Variants in SVEP1 observed in about 807,000 individuals in gnomAD.
SVEP1 encodes sushi, von Willebrand factor type A, EGF and pentraxin domain-containing protein 1.
Under a neutral mutation model 367.3 loss-of-function variants are expected in SVEP1, and 164 were observed. The observed-to-expected ratio is 0.45, with a 90% CI of 0.39 to 0.51. The LOEUF (loss-of-function observed/expected upper bound fraction) is 0.51. SVEP1 is among the 20% of genes least tolerant of loss of function. The probability of loss-of-function intolerance (pLI) is 0.00; values close to 1 mark genes in which losing one functional copy is unlikely to be tolerated. For missense variants in SVEP1, 4,117 were observed against 4,425.3 expected (o/e 0.93, Z 1.98); for synonymous variants, 1,666 against 1,611.6 (o/e 1.03, Z -0.81).
chr9:110,413,451 T>G, intron 36 of SVEP1, among the ~76,000 whole-genome samples: 1 of 146,784 alleles, frequency 6.8e-6, no homozygotes, highest in African/African-American at 2.5e-5. Context: ...AGATGACGAG[T>G]TAGTGGGTGC....
chr9:110,535,599 G>A (rs1830069337), intron 3 of SVEP1, among the ~76,000 whole-genome samples: 1 of 152,016 alleles, frequency 6.6e-6, no homozygotes, highest in Non-Finnish European at 1.5e-5. Context: ...AATTGCTTTG[G>A]GAGGTATGGC....
At chr9:110,561,343 T>G (rs1271786984) in intron 1 of SVEP1, among the ~76,000 whole-genome samples, 9 of 152,208 alleles carry the variant, frequency 5.9e-5, no homozygotes, top group Non-Finnish European at 1.2e-4. Flanking sequence ...TTCCATTATA[T>G]TAACCCCATC....
At chr9:110,508,742 CAG>C (rs1188905023) in intron 5 of SVEP1, among the ~76,000 whole-genome samples, 3 of 105,316 alleles carry the variant, frequency 2.8e-5, no homozygotes, top group Non-Finnish European at 5.1e-5. Context: ...GCCTAGGTAA[CAG>C]AGCGAGACTC....
chr9:110,538,896 G>T (rs764629280), intron 3 of SVEP1, among the ~76,000 whole-genome samples: 21 of 152,082 alleles, frequency 1.4e-4, no homozygotes, highest in Non-Finnish European at 2.9e-4. Flanking sequence ...ATCTTAAAAT[G>T]ACTAATCTAG....
chr9:110,442,854 A>G (rs1196557055), intron 27 of SVEP1: 1 of 152,194 alleles, frequency 6.6e-6, no homozygotes, highest in African/African-American at 2.4e-5. Flanking sequence ...TTTTTGTGCT[A>G]TATTTATTAG....
intron 3 of SVEP1, among the ~76,000 whole-genome samples, chr9:110,516,526 TATATTACTGA>T (rs1329516398): frequency 1.3e-5 from 2 of 152,096 alleles, no homozygotes; most frequent in African/African-American, 4.8e-5. Flanking sequence ...CTGAATTATT[TATATTACTGA>T]ATATTAATAT....
intron 23 of SVEP1, 120 bp downstream of exon 23, chr9:110,451,165 TTACA>T: frequency 1.4e-6 from 1 of 735,864 alleles, no homozygotes; most frequent in Non-Finnish European, 2.2e-6. Context: ...GGACTTTCTC[TTACA>T]TAATCACCAT....
chr9:110,427,530 C>T (rs1032827014), intron 36 of SVEP1, 61 bp downstream of exon 36: 2 of 1,547,314 alleles, frequency 1.3e-6, no homozygotes, highest in Non-Finnish European at 1.7e-6. Context: ...CCCATCTCTG[C>T]AGTCAGGAGC....
chr9:110,403,656 A>T (rs1293034382), intron 39 of SVEP1, among the ~76,000 whole-genome samples: 1 of 151,982 alleles, frequency 6.6e-6, no homozygotes, highest in Non-Finnish European at 1.5e-5. Context: ...AAATGTGAAA[A>T]TATCTATAAT....
chr9:110,514,201 C>T, intron 3 of SVEP1, 95 bp from the exon 4 acceptor site: 3 of 1,478,830 alleles, frequency 2.0e-6, no homozygotes, highest in Non-Finnish European at 2.8e-6. Context: ...GAAAGCCAAA[C>T]AATAGTTTTC....
intron 3 of SVEP1, among the ~76,000 whole-genome samples, chr9:110,516,581 T>G (rs1829807486): frequency 6.6e-6 from 1 of 152,166 alleles, no homozygotes; most frequent in Non-Finnish European, 1.5e-5. Flanking sequence ...TCAGTAAATA[T>G]CTGATCAGGA....
In SVEP1 at chr9:110,375,483, AAAAAAAAG is replaced by A; in HGVS notation, c.10505-28_10505-21del. The A allele has an allele frequency of 1.3e-6, 2 of 1,508,390 alleles. No homozygotes were observed. The highest frequency in any genetic ancestry group is 1.3e-5 in the South Asian group (1 of 78,826). 93.4% of individuals were successfully genotyped at this position (1,508,390 alleles called of 1,614,324 possible). A position where few individuals can be genotyped will look rare whatever the true frequency, so the allele number is the denominator to read the frequency against. On this transcript the variant is annotated intron_variant, in intron 45 of 47. Transcript: ENST00000374469. ...AGATTGCTAAAAAAAAAAAAAAAAA[AAAAAAAAG>A]GAGGCAGGGGGGATTGAAATGGCGT...
chr9:110,576,615 A>G (rs954996703), intron 1 of SVEP1, among the ~76,000 whole-genome samples: 3 of 152,078 alleles, frequency 2.0e-5, no homozygotes, highest in African/African-American at 4.8e-5. Flanking sequence ...GACTTCAACA[A>G]GAATCCAAAT....
chr9:110,509,694 T>A (rs1829679066), intron 5 of SVEP1, among the ~76,000 whole-genome samples: 1 of 152,056 alleles, frequency 6.6e-6, no homozygotes, highest in Non-Finnish European at 1.5e-5. Flanking sequence ...TAATATGAAG[T>A]GACAGAAGCA....
intron 7 of SVEP1, among the ~76,000 whole-genome samples, chr9:110,497,723 C>G (rs771168355): frequency 1.1e-4 from 17 of 152,230 alleles, no homozygotes; most frequent in Non-Finnish European, 2.2e-4. Flanking sequence ...TAACGTTACA[C>G]AGATGCACGC....
At chr9:110,555,020 C>T (rs1830338327) in intron 1 of SVEP1, among the ~76,000 whole-genome samples, 1 of 152,108 alleles carries the variant, frequency 6.6e-6, no homozygotes, top group South Asian at 2.1e-4. Context: ...GTTGTGTTTA[C>T]ACCATCCTTG....
chr9:110,485,862 C>T (rs909817575), intron 9 of SVEP1, among the ~76,000 whole-genome samples: 3 of 152,218 alleles, frequency 2.0e-5, no homozygotes, highest in African/African-American at 7.2e-5. Context: ...ATTAACTGAA[C>T]TGCACCTGTG....
chr9:110,445,343 T>C (rs956083840), intron 26 of SVEP1, among the ~76,000 whole-genome samples: 4 of 152,136 alleles, frequency 2.6e-5, no homozygotes, highest in Non-Finnish European at 1.5e-5. Flanking sequence ...CTAAAAAAAA[T>C]ATGCACACTG....
At chr9:110,487,749 A>G (rs1004556360) in intron 9 of SVEP1, among the ~76,000 whole-genome samples, 1 of 152,170 alleles carries the variant, frequency 6.6e-6, no homozygotes, top group African/African-American at 2.4e-5. Context: ...GCACTAGATC[A>G]AGTGGTTTAT....
Sources: gnomAD v4.1 joint callset for allele counts (sites outside exome capture counted in the v4.1 genomes callset) on GRCh38, gnomAD v4.1.1 for gene constraint, MANE v1.5 for transcripts, NCBI Gene and HGNC (gene_info 2026-07-23, HGNC 2026-07-21) for gene names.